ACOT11: variants seen among roughly 807,000 people sequenced by gnomAD.
ACOT11 encodes the protein acyl-coenzyme A thioesterase 11.
In ACOT11, 69 loss-of-function variants were observed where a neutral mutation model predicts 77.5. The ratio of observed to expected loss-of-function variants is 0.89; its 90% confidence interval spans 0.73 to 1.09. The LOEUF is 1.09. Among genes scored for constraint, ACOT11 ranks in the 50% least tolerant of loss-of-function variants. The pLI, the probability that ACOT11 is intolerant of heterozygous loss-of-function variation, is 0.00. For synonymous variants in ACOT11, 279 were observed against 313.0 expected (o/e 0.89, Z 1.15); for missense variants, 766 against 813.7 (o/e 0.94, Z 0.71).
At chr1:54,637,561 T>C (rs1481181283) in exon 17 of ACOT11, 3 of 152,226 alleles carry the variant, frequency 2.0e-5, no homozygotes, top group Non-Finnish European at 4.4e-5. Context: ...GGTGGGCAGA[T>C]CACCTGAGGT....
chr1:54,634,822 G>A (rs1469144665), exon 17 of ACOT11: 3 of 657,224 alleles, frequency 4.6e-6, no homozygotes, highest in Non-Finnish European at 5.5e-6. Flanking sequence ...CGCTGAGGAG[G>A]ACTCCAACTA....
At position 54,601,258 on chromosome 1, in the gene ACOT11, C is replaced by G. The variant is rs1437462497; in HGVS notation, c.885-11C>G. The stretch of plus-strand genomic sequence containing the variant: ...TCTGTCCAGGTTGGAAGCCACACTC[C>G]CTCCCCTCAGCATGGAGGTGGGCGT... On this transcript the variant is annotated splice_polypyrimidine_tract_variant and intron_variant, in intron 8 of 15. Coordinates refer to ENST00000343744, the MANE Select transcript of ACOT11 (RefSeq NM_147161.4). 1.9e-6 allele frequency: 3 copies of G among 1,607,800 alleles called. No individual in the cohort carries two copies. In the African/African-American group the frequency reaches 4.0e-5, roughly 21 times the overall value.
intron 15 of ACOT11, chr1:54,619,743 CT>C: frequency 9.6e-7 from 1 of 1,038,820 alleles, no homozygotes; most frequent in Non-Finnish European, 1.4e-6. Flanking sequence ...TTTCCTCATG[CT>C]GAAAGACATG....
chr1:54,562,775 C>T lies in ACOT11; in HGVS notation c.33+14433C>T, dbSNP rs1377521584. On this transcript the variant is annotated intron_variant, in intron 1 of 15. Transcript: ENST00000343744. Reference sequence around the variant, plus strand: ...GCTCCTCACATCCCAGATGGGGCGGCGGGGCAGAGGCGCTCCCCACATCTC... The same window carrying T: ...GCTCCTCACATCCCAGATGGGGCGGTGGGGCAGAGGCGCTCCCCACATCTC... Among the ~76,000 whole-genome samples the T allele has an allele frequency of 4.0e-3, 335 of 83,896 alleles. 4 individuals are homozygous for T. The highest frequency in any genetic ancestry group is 0.016 in the African/African-American group (316 of 19,252). The allele number at this position is 83,896 out of a possible 152,430, so 55.0% of individuals were successfully genotyped here.
downstream of ACOT11, chr1:54,611,814 C>T: frequency 6.3e-7 from 1 of 1,588,080 alleles, no homozygotes; most frequent in South Asian, 1.1e-5. Context: ...CTCCTGTGCT[C>T]AGAACTGGAT....
At chr1:54,568,207 A>G (rs1276853111) in intron 1 of ACOT11, among the ~76,000 whole-genome samples, 1 of 152,100 alleles carries the variant, frequency 6.6e-6, no homozygotes, top group Non-Finnish European at 1.5e-5. Flanking sequence ...TTGATTACAC[A>G]GCCTAAAGAA....
At chr1:54,622,038 C>T (rs1186467520) in intron 15 of ACOT11, among the ~76,000 whole-genome samples, 2 of 152,038 alleles carry the variant, frequency 1.3e-5, no homozygotes, top group Non-Finnish European at 2.9e-5. Flanking sequence ...CTTTGGGAGG[C>T]CAAGGTGGGC....
At chr1:54,618,064 G>T (rs564949674) in intron 15 of ACOT11, among the ~76,000 whole-genome samples, 1 of 151,642 alleles carries the variant, frequency 6.6e-6, no homozygotes, top group East Asian at 1.9e-4. Flanking sequence ...CCAGGGATGC[G>T]CCTGCTGCTG....
chr1:54,589,982 G>A (rs1358097507), intron 3 of ACOT11, among the ~76,000 whole-genome samples: 1 of 151,972 alleles, frequency 6.6e-6, no homozygotes, highest in Admixed American at 6.6e-5. Context: ...CAGCTACTCC[G>A]GAGGCTAAGG....
At chr1:54,612,292 G>A (rs1644126987), downstream of ACOT11, among the ~76,000 whole-genome samples, 1 of 151,778 alleles carries the variant, frequency 6.6e-6, no homozygotes, top group African/African-American at 2.4e-5. Context: ...CCAATGAAAG[G>A]GCTCTCTTGG....
chr1:54,558,005 T>G (rs780694975), intron 1 of ACOT11, among the ~76,000 whole-genome samples: 1 of 152,202 alleles, frequency 6.6e-6, no homozygotes, highest in Non-Finnish European at 1.5e-5. Flanking sequence ...GGACTCTTTT[T>G]CATCTTTCAA....
chr1:54,559,839 C>T (rs1462379552), intron 1 of ACOT11, among the ~76,000 whole-genome samples: 1 of 152,200 alleles, frequency 6.6e-6, no homozygotes, highest in East Asian at 1.9e-4. Flanking sequence ...CTCATCTGAC[C>T]CCAAGCTCCA....
chr1:54,635,480 G>A, exon 17 of ACOT11: 1 of 214,268 alleles, frequency 4.7e-6, no homozygotes, highest in South Asian at 6.2e-5. Flanking sequence ...TCAAAATTTG[G>A]GAAAGAATAA....
exon 16 of ACOT11, chr1:54,630,835 G>C: frequency 1.3e-6 from 1 of 768,070 alleles, no homozygotes; most frequent in East Asian, 2.5e-5. Context: ...GCGACGGTTG[G>C]AATGGAAAAC....
At chr1:54,577,516 G>A (rs1654156574) in intron 1 of ACOT11, among the ~76,000 whole-genome samples, 1 of 140,426 alleles carries the variant, frequency 7.1e-6, no homozygotes, top group African/African-American at 2.7e-5. Context: ...TACATATACA[G>A]ATATACATAT....
chr1:54,610,283 C>G lies in ACOT11; in HGVS notation c.*1171C>G. 2 of 1,510,230 alleles carry G rather than the reference C, an allele frequency of 1.3e-6. No homozygotes were observed. The highest frequency in any genetic ancestry group is 1.8e-6 in the Non-Finnish European group (2 of 1,134,544). 93.6% of individuals were successfully genotyped at this position (1,510,230 alleles called of 1,614,324 possible). A position where few individuals can be genotyped will look rare whatever the true frequency, so the allele number is the denominator to read the frequency against. On this transcript the variant is annotated 3_prime_UTR_variant, in exon 16 of 16. Coordinates refer to ENST00000343744, the MANE Select transcript of ACOT11 (RefSeq NM_147161.4). ...TCTCCCTCCCCGCAACCCTGCCCCACCTTGCATCCAGGGTATGGTGTAAAT... is the reference window on the plus strand; with the variant it reads ...TCTCCCTCCCCGCAACCCTGCCCCAGCTTGCATCCAGGGTATGGTGTAAAT...
At chr1:54,571,071 C>CTT (rs1553162279) in intron 1 of ACOT11, among the ~76,000 whole-genome samples, 60 of 141,830 alleles carry the variant, frequency 4.2e-4, no homozygotes, top group Middle Eastern at 3.7e-3. Flanking sequence ...TTCTCTCTCT[C>CTT]TTTTTTTTTT....
chr1:54,607,325 C>T lies in ACOT11; in HGVS notation c.1502+60C>T. On this transcript the variant is annotated intron_variant, in intron 14 of 15. Coordinates refer to ENST00000343744, the MANE Select transcript of ACOT11 (RefSeq NM_147161.4). The surrounding 1 kb of genome is among the most constrained non-coding windows in gnomAD (Gnocchi z 4.5). ...ACTGGACAGGGTGGTAGGGTGGCCG[C>T]TTCTCCCTCCCAGGGAAGGGCATCA... 6.3e-7 allele frequency: 1 copy of T among 1,595,624 alleles called. No individual in the cohort carries two copies. Among genetic ancestry groups the T allele is most frequent in the Admixed American group, 1.7e-5 (1 of 59,598 alleles).
At chr1:54,619,692 G>C (rs1236386927) in intron 15 of ACOT11, among the ~76,000 whole-genome samples, 2 of 152,180 alleles carry the variant, frequency 1.3e-5, no homozygotes, top group African/African-American at 2.4e-5. Flanking sequence ...TTTGTCAGCT[G>C]CACAACCTTG....
Sources: gnomAD v4.1 joint callset for allele counts (sites outside exome capture counted in the v4.1 genomes callset) on GRCh38, gnomAD v4.1.1 for gene constraint, Gnocchi (gnomAD v3.1) non-coding constraint, MANE v1.5 for transcripts, NCBI Gene and HGNC (gene_info 2026-07-23, HGNC 2026-07-21) for gene names.